The following LRCH3 variants were observed in gnomAD, a reference collection of about 807,000 sequenced individuals.
LRCH3 encodes DISP complex protein LRCH3.
A neutral mutation model predicts 104.5 loss-of-function variants in LRCH3; 68 were observed. The ratio of observed to expected loss-of-function variants is 0.65; its 90% confidence interval spans 0.54 to 0.80. LRCH3 has a LOEUF of 0.80. LRCH3 is among the 30% of genes least tolerant of loss of function. The probability of loss-of-function intolerance (pLI) is 0.00; values close to 1 mark genes in which losing one functional copy is unlikely to be tolerated. For synonymous variants in LRCH3, 344 were observed against 361.3 expected, an observed-to-expected ratio of 0.95 and a Z score of 0.54; for missense variants, 951 against 953.9, an observed-to-expected ratio of 1.00 and a Z score of 0.04.
rs1352566910 is a variant in LRCH3 at position 197,887,118 on chromosome 3, G to A, written c.*3452G>A. ...TTCAAACCCTCTGCAGAGGTAGGAA[G>A]GTATGAATTTCTTTTTTATGTCAAG... On this transcript the variant is annotated 3_prime_UTR_variant, in exon 21 of 21. Transcript: ENST00000425562. 6.6e-6 allele frequency: 1 copy of A among 151,540 alleles called. No homozygotes were observed. The highest frequency in any genetic ancestry group is 1.5e-5 in the Non-Finnish European group (1 of 67,930). The allele number at this position is 151,540 out of a possible 1,614,324, so 9.4% of individuals were successfully genotyped here.
intron 13 of LRCH3, among the ~76,000 whole-genome samples, chr3:197,853,275 C>T (rs561383455): frequency 4.2e-4 from 64 of 152,116 alleles, no homozygotes; most frequent in African/African-American, 1.4e-3. Context: ...CTGCAACCTC[C>T]GACTCCCGGG....
In LRCH3 at chr3:197,872,167, G is replaced by C. The variant is rs144467038; in HGVS notation, c.2130+705G>C. Among the ~76,000 whole-genome samples, 17 of 152,006 alleles carry C rather than the reference G, an allele frequency of 1.1e-4. No homozygotes were observed. The East Asian group carries it at 3.1e-3, about 28-fold the overall frequency. The stretch of plus-strand genomic sequence containing the variant: ...AGCCCAGGAGTTTGAGACCAGCCAG[G>C]ACAATATGGCAAAACCCCGTCTCTA... On this transcript the variant is annotated intron_variant, in intron 19 of 20. Transcript: ENST00000425562.
chr3:197,858,786 A>G lies in LRCH3; in HGVS notation c.1645-48A>G, dbSNP rs990591126. 1.2e-5 allele frequency: 17 copies of G among 1,470,214 alleles called. No homozygotes were observed. In the African/African-American group the frequency reaches 2.1e-4, roughly 18 times the overall value. 91.1% of individuals were successfully genotyped at this position (1,470,214 alleles called of 1,614,324 possible). The stretch of plus-strand genomic sequence containing the variant: ...CAGATCTGCCTGCCTGACATTTGCT[A>G]ACATAAATGCTGCCTTCTGTTTCTT... On this transcript the variant is annotated intron_variant, in intron 14 of 20. Coordinates refer to ENST00000425562, the MANE Select transcript of LRCH3 (RefSeq NM_001365715.1).
At chr3:197,868,212 T>C (rs1260738923) in intron 17 of LRCH3, among the ~76,000 whole-genome samples, 1 of 152,110 alleles carries the variant, frequency 6.6e-6, no homozygotes, top group Non-Finnish European at 1.5e-5. Context: ...CAGAAAAATC[T>C]TCAGAAACAA....
chr3:197,791,527 C>A lies in LRCH3; in HGVS notation c.249C>A (p.Asp83Glu). 6.3e-7 allele frequency: 1 copy of A among 1,590,540 alleles called. No individual in the cohort carries two copies. Among genetic ancestry groups the A allele is most frequent in the Middle Eastern group, 1.7e-4 (1 of 5,896 alleles). The change falls in exon 1 of 21, where the codon GAC becomes GAA. Residue 83 changes from aspartate (D) to glutamate (E), a missense_variant. Transcript: ENST00000425562. ...GAGCGGCCAACCACGACCTGACGGACACCACCCGGGCGGGTGAGCGGGGCG... is the reference window on the plus strand; with the variant it reads ...GAGCGGCCAACCACGACCTGACGGAAACCACCCGGGCGGGTGAGCGGGGCG... Reference protein sequence around the residue: ...PRGAANHDLTDTTRADLSRNR... With the variant: ...PRGAANHDLTETTRADLSRNR...
chr3:197,850,358 T>C (rs1165935327), intron 12 of LRCH3: 43 of 923,378 alleles, frequency 4.7e-5, no homozygotes, highest in East Asian at 7.8e-5. Flanking sequence ...TTTCTTTTTT[T>C]TTTTTTTTTT....
At chr3:197,805,367 CAAG>C (rs1732361087) in intron 1 of LRCH3, among the ~76,000 whole-genome samples, 1 of 152,180 alleles carries the variant, frequency 6.6e-6, no homozygotes, top group Admixed American at 6.5e-5. Flanking sequence ...ACAGAAAAAT[CAAG>C]GAGGCTTTTT....
intron 14 of LRCH3, among the ~76,000 whole-genome samples, chr3:197,855,990 C>T (rs9757410): frequency 0.055 from 8,375 of 152,276 alleles, 776 homozygotes; most frequent in African/African-American, 0.19. Flanking sequence ...TCGAAGCTCC[C>T]TCGTGCTCTA....
At chr3:197,840,891 G>C (rs1201222941) in intron 10 of LRCH3, among the ~76,000 whole-genome samples, 2 of 152,178 alleles carry the variant, frequency 1.3e-5, no homozygotes, top group African/African-American at 4.8e-5. Context: ...GGAGTTTCCA[G>C]TTACATTCCC....
At chr3:197,835,583 G>C in intron 8 of LRCH3, 91 bp from the exon 9 acceptor site, 1 of 1,331,620 alleles carries the variant, frequency 7.5e-7, no homozygotes, top group East Asian at 2.8e-5. Flanking sequence ...ATGGGGAAAA[G>C]GAAATAAGTA....
intron 8 of LRCH3, among the ~76,000 whole-genome samples, chr3:197,835,098 T>G (rs563898711): frequency 3.9e-5 from 6 of 152,052 alleles, no homozygotes; most frequent in African/African-American, 1.4e-4. Flanking sequence ...GAGCCAAGAT[T>G]GCACCACTGC....
At chr3:197,875,950 C>T (rs1712839515) in intron 20 of LRCH3, 175 bp downstream of exon 20, 1 of 454,470 alleles carries the variant, frequency 2.2e-6, no homozygotes, top group Admixed American at 4.0e-5. Flanking sequence ...TGATTATTTC[C>T]AAGGACCACA....
At chr3:197,820,537 G>A (rs1045657631) in intron 4 of LRCH3, 107 bp downstream of exon 4, 20 of 725,968 alleles carry the variant, frequency 2.8e-5, no homozygotes, top group South Asian at 5.5e-5. Flanking sequence ...TAGGCTGGGC[G>A]CTGTGGCTCC....
rs2109592250 is a variant in LRCH3 at position 197,885,163 on chromosome 3, T to TG, written c.*1498dup. The TG allele has an allele frequency of 6.6e-6, 1 of 152,322 alleles. No homozygotes were observed. Among genetic ancestry groups the TG allele is most frequent in the East Asian group, 1.9e-4 (1 of 5,204 alleles). 9.4% of individuals were successfully genotyped at this position (152,322 alleles called of 1,614,324 possible). Reference sequence around the variant, plus strand: ...AAGCTGATAGCGCACTTGGTCTCACTGAGCCTCCCTCCCCGCCCTCCTGCT... The same window carrying TG: ...AAGCTGATAGCGCACTTGGTCTCACTGGAGCCTCCCTCCCCGCCCTCCTGCT... On this transcript the variant is annotated 3_prime_UTR_variant, in exon 21 of 21. Coordinates refer to ENST00000425562, the MANE Select transcript of LRCH3 (RefSeq NM_001365715.1).
chr3:197,834,949 G>C (rs542429675), intron 8 of LRCH3, among the ~76,000 whole-genome samples: 6 of 152,060 alleles, frequency 3.9e-5, no homozygotes, highest in Non-Finnish European at 5.9e-5. Context: ...TTGGAGACCA[G>C]CCTGGCCAAC....
chr3:197,880,366 A>T (rs1713639916), intron 20 of LRCH3: 1 of 673,680 alleles, frequency 1.5e-6, no homozygotes, highest in Non-Finnish European at 2.5e-6. Context: ...TCAGCGTTTT[A>T]TTTTTGTTCC....
At position 197,815,006 on chromosome 3, in the gene LRCH3, C is replaced by G; in HGVS notation, c.361C>G (p.Pro121Ala). 6.4e-7 allele frequency: 1 copy of G among 1,562,704 alleles called. No individual in the cohort carries two copies. Among genetic ancestry groups the G allele is most frequent in the Non-Finnish European group, 8.8e-7 (1 of 1,140,620 alleles). The change falls in exon 2 of 21, where the codon CCA becomes GCA. Residue 121 changes from proline (P) to alanine (A), a missense_variant. Coordinates refer to ENST00000425562, the MANE Select transcript of LRCH3 (RefSeq NM_001365715.1). Reference protein sequence around the residue: ...NLYQNCIRYIPEAILNLQALT... With the variant: ...NLYQNCIRYIAEAILNLQALT... ...GTACCAAAATTGTATTCGTTATATTCCAGAGGCAATTTTAAACCTACAAGC... is the reference window on the plus strand; with the variant it reads ...GTACCAAAATTGTATTCGTTATATTGCAGAGGCAATTTTAAACCTACAAGC...
rs550511779 is a variant in LRCH3, at chr3:197,836,759, C to T, written c.1251+937C>T. Among the ~76,000 whole-genome samples, 248 of 152,342 alleles carry T rather than the reference C, an allele frequency of 1.6e-3. 4 individuals are homozygous for T. The highest frequency in any genetic ancestry group is 5.6e-3 in the African/African-American group (234 of 41,586). On this transcript the variant is annotated intron_variant, in intron 9 of 20. Transcript: ENST00000425562. ...TTGGCACGATCTCGGCTTACTGCAGCCTCTGCCTCCCAGGTTCAAGTGATT... is the reference window on the plus strand; with the variant it reads ...TTGGCACGATCTCGGCTTACTGCAGTCTCTGCCTCCCAGGTTCAAGTGATT...
chr3:197,850,372 T>TTTAA, intron 12 of LRCH3: 2 of 1,039,174 alleles, frequency 1.9e-6, no homozygotes, highest in South Asian at 1.4e-5. Flanking sequence ...TTTTTTTCCT[T>TTTAA]TTAATTACAT....
Sources: gnomAD v4.1 joint callset for allele counts (sites outside exome capture counted in the v4.1 genomes callset) on GRCh38, gnomAD v4.1.1 for gene constraint, MANE v1.5 for transcripts, NCBI Gene and HGNC (gene_info 2026-07-23, HGNC 2026-07-21) for gene names.